The following PCDHA1 variants were observed in gnomAD, a reference collection of about 807,000 sequenced individuals.
PCDHA1 encodes the protein protocadherin alpha 1, also known as protocadherin alpha-1.
A neutral mutation model predicts 61.3 loss-of-function variants in PCDHA1; 42 were observed. The observed-to-expected ratio is 0.69, with a 90% CI of 0.54 to 0.89. The LOEUF (loss-of-function observed/expected upper bound fraction) is 0.89, where lower values mean the gene tolerates loss of function less well. PCDHA1 is among the 40% of genes least tolerant of loss of function. The pLI is 0.00. For synonymous variants in PCDHA1, 610 were observed against 553.8 expected (o/e 1.10, Z -1.43); for missense variants, 1,256 against 1,235.3 (o/e 1.02, Z -0.25).
At chr5:140,988,856 C>G (rs1363693153) in intron 3 of PCDHA1, 1 of 152,180 alleles carries the variant, frequency 6.6e-6, no homozygotes, top group African/African-American at 2.4e-5. Context: ...CCTATCCAGT[C>G]TCATGTGCAC....
rs782083850 is a variant in PCDHA1 at position 140,788,021 on chromosome 5, C to G, written c.1731C>G (p.Val577=). The G allele has an allele frequency of 1.2e-6, 2 of 1,614,012 alleles. No individual in the cohort carries two copies. Among genetic ancestry groups the G allele is most frequent in the Non-Finnish European group, 8.5e-7 (1 of 1,179,912 alleles). ...APRVGGTIGA[V]SELVPRLVGA... Reference sequence around the variant, plus strand: ...GAGTGGGTGGCACTATTGGTGCAGTCAGTGAGCTGGTGCCGCGATTGGTGG... The same window carrying G: ...GAGTGGGTGGCACTATTGGTGCAGTGAGTGAGCTGGTGCCGCGATTGGTGG... Residue 577 remains valine, a synonymous_variant, in exon 1 of 4, where the codon GTC becomes GTG. Coordinates refer to ENST00000504120, the MANE Select transcript of PCDHA1 (RefSeq NM_018900.4).
intron 1 of PCDHA1, chr5:140,824,499 T>C (rs1768140720): frequency 3.1e-6 from 1 of 327,260 alleles, no homozygotes; most frequent in African/African-American, 2.2e-5. Context: ...CTTTGTTGCT[T>C]AGTCTGCAGT....
chr5:140,828,853 T>C (rs2150159724), intron 1 of PCDHA1: 921 of 1,613,698 alleles, frequency 5.7e-4, no homozygotes, highest in South Asian at 4.0e-3. Flanking sequence ...TATTCGAAAA[T>C]GCAGACAACG....
chr5:140,856,448 G>GT (rs1562509895), intron 1 of PCDHA1: 1 of 1,598,390 alleles, frequency 6.3e-7, no homozygotes, highest in East Asian at 2.2e-5. Flanking sequence ...CAGGTTCTCC[G>GT]TAACAGAACA....
chr5:140,966,848 C>G, intron 1 of PCDHA1: 1 of 1,571,846 alleles, frequency 6.4e-7, no homozygotes, highest in Non-Finnish European at 8.6e-7. Context: ...GCTACTGCCT[C>G]TCCTGCTGCT....
chr5:140,828,800 G>T (rs2150159124), intron 1 of PCDHA1: 8 of 1,614,104 alleles, frequency 5.0e-6, no homozygotes, highest in Non-Finnish European at 6.8e-6. Context: ...GGATGTGAAT[G>T]ATAATGCTCC....
rs553859456 is a variant in PCDHA1 at position 140,938,056 on chromosome 5, A to G, written c.2395-40893A>G. Among the ~76,000 whole-genome samples, 1,107 of 152,294 alleles carry G rather than the reference A, an allele frequency of 7.3e-3. 4 individuals carry two copies. Among genetic ancestry groups the G allele is most frequent in the Admixed American group, 0.012 (189 of 15,304 alleles). ...TTTATATTTTGGGTTTTCTACATATACTGTCATGCTATTCCCAAATAATGT... is the reference window on the plus strand; with the variant it reads ...TTTATATTTTGGGTTTTCTACATATGCTGTCATGCTATTCCCAAATAATGT... On this transcript the variant is annotated intron_variant, in intron 1 of 3. Coordinates refer to ENST00000504120, the MANE Select transcript of PCDHA1 (RefSeq NM_018900.4).
At chr5:140,871,279 C>G in intron 1 of PCDHA1, 2 of 1,613,946 alleles carry the variant, frequency 1.2e-6, no homozygotes, top group Non-Finnish European at 1.7e-6. Flanking sequence ...GTCGGCAACG[C>G]CCACTGAGGG....
intron 1 of PCDHA1, chr5:140,968,831 C>T (rs1469537973): frequency 1.2e-6 from 2 of 1,614,020 alleles, no homozygotes; most frequent in Non-Finnish European, 8.5e-7. Flanking sequence ...CAAAATCCTC[C>T]CTGACACTCA....
chr5:140,966,732 G>T (rs2153748727), intron 1 of PCDHA1: 1 of 1,415,600 alleles, frequency 7.1e-7, no homozygotes, highest in African/African-American at 1.5e-5. Context: ...GCCGCCTCCG[G>T]CCCTGCCCGG....
At position 140,788,348 on chromosome 5, in the gene PCDHA1, C is replaced by T. The variant is rs529425928; in HGVS notation, c.2058C>T (p.Val686=). ...PKASSRASVG[V]AGPEAALVDV... ...CGTCTTCGCGGGCGTCGGTGGGTGT[C>T]GCGGGCCCAGAGGCGGCGCTGGTGG... Residue 686 remains valine, a synonymous_variant, in exon 1 of 4, where the codon GTC becomes GTT. Transcript: ENST00000504120. 9 of 1,613,970 alleles carry T rather than the reference C, an allele frequency of 5.6e-6. No homozygotes were observed. In the Admixed American group the frequency reaches 8.3e-5, roughly 15 times the overall value.
intron 1 of PCDHA1, chr5:140,816,760 T>C (rs2126674817): frequency 1.3e-5 from 2 of 152,266 alleles, no homozygotes; most frequent in South Asian, 2.1e-4. Context: ...TATGGACTTG[T>C]GTGTATAATT....
intron 1 of PCDHA1, chr5:140,835,705 T>A (rs1773862333): frequency 1.2e-6 from 2 of 1,613,894 alleles, no homozygotes; most frequent in East Asian, 4.5e-5. Flanking sequence ...ACTGCTAGCG[T>A]GTCCGTGGAG....
At position 140,912,741 on chromosome 5, in the gene PCDHA1, C is replaced by T. The variant is rs371215646; in HGVS notation, c.2395-66208C>T. Among the ~76,000 whole-genome samples the T allele has an allele frequency of 2.1e-3, 323 of 152,182 alleles. 1 individual carries two copies. Among genetic ancestry groups the T allele is most frequent in the African/African-American group, 7.6e-3 (315 of 41,526 alleles). ...ATTCAATATGATGTTGGCTGTGGGT[C>T]TGTCATAGATGGCTTTTATTACTTT... On this transcript the variant is annotated intron_variant, in intron 1 of 3. Transcript: ENST00000504120.
intron 1 of PCDHA1, among the ~76,000 whole-genome samples, chr5:140,826,500 G>A (rs1768954368): frequency 6.6e-6 from 1 of 152,148 alleles, no homozygotes; most frequent in African/African-American, 2.4e-5. Context: ...TTTGGAGTAA[G>A]GTGAAGATGA....
At chr5:140,931,662 T>C (rs905670675) in intron 1 of PCDHA1, among the ~76,000 whole-genome samples, 2 of 152,028 alleles carry the variant, frequency 1.3e-5, no homozygotes, top group Non-Finnish European at 2.9e-5. Context: ...GTGGGCTGGA[T>C]ATTTCCTTAT....
At position 140,788,682 on chromosome 5, in the gene PCDHA1, A is replaced by G; in HGVS notation, c.2392A>G (p.Asn798Asp). The change falls in exon 1 of 4, where the codon AAT (asparagine) becomes GAT (aspartate). Residue 798 changes from asparagine (N) to aspartate (D), a missense_variant and splice_region_variant. Transcript: ENST00000504120. The stretch of plus-strand genomic sequence containing the variant: ...AGAAGCAAATTTGGATCTTTCTGGT[A>G]ATGTAAGTCCAACTTTCGAGTTTTG... ...QPEANLDLSG[N>D]PRQPNPDWRY... 1 of 1,551,806 alleles carries G rather than the reference A, an allele frequency of 6.4e-7. No individual in the cohort carries two copies.
chr5:140,875,651 T>A lies in PCDHA1; in HGVS notation c.2394+86967T>A, dbSNP rs782085221. The A allele has an allele frequency of 5.1e-5, 83 of 1,613,604 alleles. 1 individual carries two copies. The South Asian group carries it at 8.5e-4, about 16-fold the overall frequency. On this transcript the variant is annotated intron_variant, in intron 1 of 3. Coordinates refer to ENST00000504120, the MANE Select transcript of PCDHA1 (RefSeq NM_018900.4). Reference sequence around the variant, plus strand: ...CTGGGGCTGGAGCTGGCGGAGCTGGTGCCGCGCCTGTTCCGGGTGGCGTCC... The same window carrying A: ...CTGGGGCTGGAGCTGGCGGAGCTGGAGCCGCGCCTGTTCCGGGTGGCGTCC...
chr5:140,942,023 A>G (rs1391051051), intron 1 of PCDHA1, among the ~76,000 whole-genome samples: 2 of 152,208 alleles, frequency 1.3e-5, no homozygotes, highest in African/African-American at 4.8e-5. Context: ...TTGGGAAAAA[A>G]TAATTCATAA....
Sources: allele counts gnomAD v4.1 joint callset (sites outside exome capture counted in the v4.1 genomes callset), GRCh38; gene constraint gnomAD v4.1.1; transcripts MANE v1.5; gene names NCBI Gene and HGNC (gene_info 2026-07-23, HGNC 2026-07-21).